The following MAGI3 variants were observed in gnomAD, a reference collection of about 807,000 sequenced individuals.
MAGI3 encodes the protein membrane-associated guanylate kinase, WW and PDZ domain-containing protein 3.
Under a neutral mutation model 121.8 loss-of-function variants are expected in MAGI3, and 43 were observed. The observed-to-expected ratio is 0.35, with a 90% confidence interval of 0.28 to 0.46. MAGI3 has a LOEUF of 0.46. MAGI3 is among the 20% of genes least tolerant of loss of function. The pLI is 1.00. For synonymous variants in MAGI3, 553 were observed against 639.3 expected (o/e 0.86, Z 2.04); for missense variants, 1,547 against 1,797.3 (o/e 0.86, Z 2.52).
chr1:113,593,952 T>G (rs567841215), intron 5 of MAGI3, among the ~76,000 whole-genome samples: 4 of 152,216 alleles, frequency 2.6e-5, no homozygotes, highest in Non-Finnish European at 4.4e-5. Flanking sequence ...TAAAACTCTT[T>G]GTTTTATTTT....
At chr1:113,511,433 C>T (rs1256248777) in intron 1 of MAGI3, among the ~76,000 whole-genome samples, 2 of 152,170 alleles carry the variant, frequency 1.3e-5, no homozygotes, top group East Asian at 3.8e-4. Context: ...GAAGAATCAG[C>T]ACTCTGGCAA....
At chr1:113,437,056 C>T (rs902145539) in intron 1 of MAGI3, among the ~76,000 whole-genome samples, 3 of 152,028 alleles carry the variant, frequency 2.0e-5, no homozygotes, top group East Asian at 1.9e-4. Context: ...GCTTGTGATC[C>T]GCCTGCCTTG....
chr1:113,452,455 T>TAC (rs4026203), intron 1 of MAGI3, among the ~76,000 whole-genome samples: 30,799 of 146,986 alleles, frequency 0.21, 3,517 homozygotes, highest in South Asian at 0.37. Flanking sequence ...TGCATAGACA[T>TAC]ACACACACAC....
intron 2 of MAGI3, among the ~76,000 whole-genome samples, chr1:113,575,937 C>T (rs577243723): frequency 1.8e-4 from 28 of 152,278 alleles, no homozygotes; most frequent in African/African-American, 5.8e-4. Context: ...CGTTTTTCTG[C>T]GCTGCAGTGA....
At chr1:113,606,498 T>C (rs180741807) in intron 6 of MAGI3, among the ~76,000 whole-genome samples, 242 of 152,294 alleles carry the variant, frequency 1.6e-3, no homozygotes, top group Non-Finnish European at 2.8e-3. Context: ...GTTTTCTGCC[T>C]TTTCTTGTTT....
chr1:113,551,511 C>T (rs1659787788), intron 2 of MAGI3, among the ~76,000 whole-genome samples: 1 of 152,158 alleles, frequency 6.6e-6, no homozygotes, highest in African/African-American at 2.4e-5. Flanking sequence ...TAATCTGCCT[C>T]CTTATCTATG....
intron 6 of MAGI3, among the ~76,000 whole-genome samples, chr1:113,600,190 C>T (rs1649278926): frequency 1.3e-5 from 2 of 152,174 alleles, no homozygotes; most frequent in South Asian, 2.1e-4. Flanking sequence ...CTCACCACTC[C>T]TATTCAACAT....
At chr1:113,657,637 T>C (rs1436866719) in intron 15 of MAGI3, among the ~76,000 whole-genome samples, 2 of 152,220 alleles carry the variant, frequency 1.3e-5, no homozygotes, top group African/African-American at 2.4e-5. Flanking sequence ...AACTGAGATA[T>C]TGATTTAGAA....
At chr1:113,635,539 C>T (rs370735213) in intron 9 of MAGI3, among the ~76,000 whole-genome samples, 2 of 152,036 alleles carry the variant, frequency 1.3e-5, no homozygotes, top group African/African-American at 4.8e-5. Flanking sequence ...TACTGATTTG[C>T]GTATATTGAA....
At chr1:113,552,999 A>C (rs373611873) in intron 2 of MAGI3, among the ~76,000 whole-genome samples, 6 of 152,306 alleles carry the variant, frequency 3.9e-5, no homozygotes, top group South Asian at 2.1e-4. Context: ...ATAGAGACAT[A>C]TCAGAAGGAC....
At chr1:113,420,947 A>G (rs1021139743) in intron 1 of MAGI3, among the ~76,000 whole-genome samples, 7 of 152,178 alleles carry the variant, frequency 4.6e-5, no homozygotes, top group Non-Finnish European at 2.9e-5. Flanking sequence ...CAGACATCTC[A>G]TAATGTATTA....
chr1:113,462,800 C>T (rs1169769887), intron 1 of MAGI3, among the ~76,000 whole-genome samples: 1 of 152,020 alleles, frequency 6.6e-6, no homozygotes, highest in Non-Finnish European at 1.5e-5. Flanking sequence ...TTAGGCAATT[C>T]TATTATTCTT....
chr1:113,406,466 A>G (rs949755641), intron 1 of MAGI3, among the ~76,000 whole-genome samples: 8 of 150,148 alleles, frequency 5.3e-5, no homozygotes, highest in African/African-American at 2.0e-4. Flanking sequence ...AAAAAAAAGG[A>G]AAAAAAAACT....
chr1:113,456,117 ATTTTT>A (rs35038942), intron 1 of MAGI3, among the ~76,000 whole-genome samples: 1 of 113,248 alleles, frequency 8.8e-6, no homozygotes, highest in African/African-American at 3.2e-5. Flanking sequence ...CGCCCGGCTA[ATTTTT>A]TTTTTTTTTT....
At chr1:113,656,419 CTTT>C (rs1171768187) in intron 15 of MAGI3, among the ~76,000 whole-genome samples, 3 of 140,598 alleles carry the variant, frequency 2.1e-5, no homozygotes, top group Non-Finnish European at 3.1e-5. Flanking sequence ...TTTTCTTTTT[CTTT>C]TTTTTTTTTT....
rs1652566886 is a variant in MAGI3 at position 113,641,976 on chromosome 1, A to G, written c.1426A>G (p.Met476Val). ...TCACACTCATGCAGATGTTGTCCAG[A>G]TGTTTCAATTGGTACCTGTCAATCA... is the stretch of plus-strand genomic sequence containing the variant. Reference protein sequence around the residue: ...LGHTHADVVQMFQLVPVNQYV... With the variant: ...LGHTHADVVQVFQLVPVNQYV... Residue 476 changes from methionine to valine, a missense_variant, in exon 10 of 21, where the codon ATG becomes GTG. Coordinates refer to ENST00000307546, the MANE Select transcript of MAGI3 (RefSeq NM_001142782.2). 1.2e-5 allele frequency: 20 copies of G among 1,613,698 alleles called. No individual in the cohort carries two copies. The highest frequency in any genetic ancestry group is 1.6e-5 in the Non-Finnish European group (19 of 1,179,624).
In MAGI3 at chr1:113,590,484, A is replaced by C; in HGVS notation, c.764A>C (p.Glu255Ala). 1 of 1,613,574 alleles carries C rather than the reference A, an allele frequency of 6.2e-7. No homozygotes were observed. Among genetic ancestry groups the C allele is most frequent in the Non-Finnish European group, 8.5e-7 (1 of 1,179,620 alleles). The change falls in exon 5 of 21, where the codon GAA (glutamate) becomes GCA (alanine). Residue 255 changes from glutamate (E) to alanine (A), a missense_variant and splice_region_variant. Transcript: ENST00000307546. Reference sequence around the variant, plus strand: ...ACCTTTCTGTTTTGAACAATGGCAGAAAACAGAGAGAGGCATTCTGAGTCA... The same window carrying C: ...ACCTTTCTGTTTTGAACAATGGCAGCAAACAGAGAGAGGCATTCTGAGTCA... Reference protein sequence around the residue: ...KEAINGSGNAENRERHSESSD... With the variant: ...KEAINGSGNAANRERHSESSD...
intron 1 of MAGI3, among the ~76,000 whole-genome samples, chr1:113,444,776 C>T (rs964642468): frequency 6.6e-6 from 1 of 152,086 alleles, no homozygotes; most frequent in African/African-American, 2.4e-5. Context: ...TGAAAAAGAC[C>T]TCATGTCAAA....
At chr1:113,415,142 A>G (rs1214984110) in intron 1 of MAGI3, among the ~76,000 whole-genome samples, 2 of 152,090 alleles carry the variant, frequency 1.3e-5, no homozygotes, top group Non-Finnish European at 2.9e-5. Context: ...TGTTTTTAGT[A>G]GCTTTCTTCT....
Sources: gnomAD v4.1 joint callset for allele counts (sites outside exome capture counted in the v4.1 genomes callset) on GRCh38, gnomAD v4.1.1 for gene constraint, MANE v1.5 for transcripts, NCBI Gene and HGNC (gene_info 2026-07-23, HGNC 2026-07-21) for gene names.